The following PLCB4 variants were observed in gnomAD, a reference collection of about 807,000 sequenced individuals.
PLCB4 encodes the protein phospholipase C beta 4, also known as 1-phosphatidylinositol 4,5-bisphosphate phosphodiesterase beta-4.
PLCB4 carries 77 observed loss-of-function variants against 178.8 expected under a neutral mutation model. That is an observed-to-expected ratio of 0.43 (90% confidence interval 0.36 to 0.52). The LOEUF is 0.52. Among genes scored for constraint, PLCB4 ranks in the 20% least tolerant of loss-of-function variants. The pLI is 0.00. For missense variants in PLCB4, 1,024 were observed against 1,453.4 expected (o/e 0.70, Z 4.80); for synonymous variants, 496 against 490.8 (o/e 1.01, Z -0.14).
intron 3 of PLCB4, among the ~76,000 whole-genome samples, chr20:9,277,377 A>G (rs2094459209): frequency 6.6e-6 from 1 of 152,094 alleles, no homozygotes; most frequent in Non-Finnish European, 1.5e-5. Flanking sequence ...TGATTTTCTA[A>G]AAAGAACAGC....
chr20:9,320,337 A>G (rs1007461476), intron 4 of PLCB4, among the ~76,000 whole-genome samples: 1 of 152,214 alleles, frequency 6.6e-6, no homozygotes, highest in African/African-American at 2.4e-5. Flanking sequence ...TTAGCATGCT[A>G]ATGCATTCAT....
chr20:9,232,286 G>C (rs1384481382), intron 3 of PLCB4, among the ~76,000 whole-genome samples: 11 of 152,084 alleles, frequency 7.2e-5, no homozygotes, highest in Non-Finnish European at 1.5e-4. Flanking sequence ...ACCTTAATAA[G>C]TTTGGCAATT....
intron 2 of PLCB4, among the ~76,000 whole-genome samples, chr20:9,164,751 A>G (rs2092942499): frequency 6.6e-6 from 1 of 152,126 alleles, no homozygotes; most frequent in Admixed American, 6.6e-5. Context: ...CCACCAGTCT[A>G]TTCTGTGGTT....
chr20:9,474,073 CG>C (rs1486178700), intron 38 of PLCB4, among the ~76,000 whole-genome samples: 1 of 152,012 alleles, frequency 6.6e-6, no homozygotes, highest in Non-Finnish European at 1.5e-5. Context: ...AAAAATTAGC[CG>C]GGCCTGGTGG....
rs1033118162 is a variant in PLCB4, at chr20:9,221,436, G to A, written c.-16+3984G>A. Among the ~76,000 whole-genome samples the A allele has an allele frequency of 7.9e-5, 12 of 152,284 alleles. No homozygotes were observed. In the South Asian group the frequency reaches 1.7e-3, roughly 21 times the overall value. On this transcript the variant is annotated intron_variant, in intron 3 of 39. Coordinates refer to ENST00000378473, the MANE Select transcript of PLCB4 (RefSeq NM_001377142.1). Reference sequence around the variant, plus strand: ...CTTAGCAGCAAAGCACACAAAAGCCGGGAAAGGGCACACAAGACGATTAAA... The same window carrying A: ...CTTAGCAGCAAAGCACACAAAAGCCAGGAAAGGGCACACAAGACGATTAAA...
At chr20:9,422,164 T>C (rs1401733260) in intron 27 of PLCB4, among the ~76,000 whole-genome samples, 2 of 152,246 alleles carry the variant, frequency 1.3e-5, no homozygotes, top group African/African-American at 4.8e-5. Context: ...CCACAATGAT[T>C]TCTTGCTGCT....
chr20:9,327,820 T>A (rs2030952454), intron 4 of PLCB4, among the ~76,000 whole-genome samples: 1 of 152,080 alleles, frequency 6.6e-6, no homozygotes, highest in African/African-American at 2.4e-5. Flanking sequence ...TCAATACTAA[T>A]TTACTTAGTT....
At chr20:9,316,437 C>T (rs1299900846) in intron 4 of PLCB4, among the ~76,000 whole-genome samples, 1 of 152,180 alleles carries the variant, frequency 6.6e-6, no homozygotes. Context: ...GAGACAGTTA[C>T]TCTGGAGGCC....
chr20:9,128,077 G>A lies in PLCB4; in HGVS notation c.-79+31735G>A, dbSNP rs548333377. ...CCATTGTTGGAGGTGGGGCCTGGTG[G>A]GAGATGTTTGGATCATGGGCACGGA... On this transcript the variant is annotated intron_variant, in intron 2 of 39. Coordinates refer to ENST00000378473, the MANE Select transcript of PLCB4 (RefSeq NM_001377142.1). Among the ~76,000 whole-genome samples, 4 of 152,234 alleles carry A rather than the reference G, an allele frequency of 2.6e-5. No individual in the cohort carries two copies. In the South Asian group the frequency reaches 6.2e-4, roughly 24 times the overall value.
At chr20:9,276,745 G>C (rs2094453801) in intron 3 of PLCB4, among the ~76,000 whole-genome samples, 1 of 151,870 alleles carries the variant, frequency 6.6e-6, no homozygotes, top group South Asian at 2.1e-4. Flanking sequence ...TCAAATCCCA[G>C]CTATTCTGTT....
At chr20:9,408,766 G>T (rs759682680) in intron 23 of PLCB4, 49 bp downstream of exon 23, 6 of 966,070 alleles carry the variant, frequency 6.2e-6, no homozygotes, top group Non-Finnish European at 8.4e-6. Context: ...CGTTGGTTTG[G>T]CAAGAGCCTC....
Position 9,190,472 on chromosome 20 carries a change from A to G in PLCB4, c.-78-26918A>G, listed in dbSNP as rs182189831. Among the ~76,000 whole-genome samples the G allele has an allele frequency of 2.2e-3, 332 of 152,212 alleles. 2 individuals are homozygous for G. Among genetic ancestry groups the G allele is most frequent in the Non-Finnish European group, 4.0e-3 (272 of 68,014 alleles). On this transcript the variant is annotated intron_variant, in intron 2 of 39. Coordinates refer to ENST00000378473, the MANE Select transcript of PLCB4 (RefSeq NM_001377142.1). ...TTGTAAATTTCCTGAGGCCTCCCCA[A>G]TCATATGGACCTGTAAGTCAATTTG... is the stretch of plus-strand genomic sequence containing the variant.
At chr20:9,384,091 T>C in intron 13 of PLCB4, 110 bp from the exon 14 acceptor site, 1 of 770,406 alleles carries the variant, frequency 1.3e-6, no homozygotes, top group Non-Finnish European at 2.2e-6. Flanking sequence ...AAAGAGACTG[T>C]GAAGACGTTT....
Position 9,375,831 on chromosome 20 carries a change from G to A in PLCB4, c.744+2727G>A, listed in dbSNP as rs77690207. 9.4e-3 allele frequency among the ~76,000 whole-genome samples: 1,427 copies of A among 152,182 alleles called. 18 individuals carry two copies. Among genetic ancestry groups the A allele is most frequent in the African/African-American group, 0.032 (1,342 of 41,506 alleles). On this transcript the variant is annotated intron_variant, in intron 12 of 39. Transcript: ENST00000378473. Reference sequence around the variant, plus strand: ...GGTAACCAGAGAAACAATGAGCAAAGCAAAAACCTGGAGACACACATACAC... The same window carrying A: ...GGTAACCAGAGAAACAATGAGCAAAACAAAAACCTGGAGACACACATACAC...
intron 30 of PLCB4, among the ~76,000 whole-genome samples, chr20:9,442,220 AT>A (rs2042149999): frequency 1.3e-5 from 2 of 152,332 alleles, no homozygotes; most frequent in South Asian, 4.1e-4. Flanking sequence ...TGAGTTCCTC[AT>A]TCACACTAGC....
At chr20:9,346,877 G>T (rs1601996871) in intron 7 of PLCB4, among the ~76,000 whole-genome samples, 1 of 152,192 alleles carries the variant, frequency 6.6e-6, no homozygotes, top group Non-Finnish European at 1.5e-5. Flanking sequence ...GGTCATCAGA[G>T]AATCTGTGGA....
At chr20:9,475,433 T>C (rs1328406459) in intron 38 of PLCB4, among the ~76,000 whole-genome samples, 2 of 152,158 alleles carry the variant, frequency 1.3e-5, no homozygotes, top group South Asian at 2.1e-4. Flanking sequence ...ATTGATTAGA[T>C]TGTATTGGGA....
In PLCB4 at chr20:9,280,425, C is replaced by G. The variant is rs374317555; in HGVS notation, c.-15-27375C>G. On this transcript the variant is annotated intron_variant, in intron 3 of 39. Coordinates refer to ENST00000378473, the MANE Select transcript of PLCB4 (RefSeq NM_001377142.1). ...AAGGACAAAGATATTGTGTTCTCCACTTCGATCTGAAAGATGGAATGGCAG... is the reference window on the plus strand; with the variant it reads ...AAGGACAAAGATATTGTGTTCTCCAGTTCGATCTGAAAGATGGAATGGCAG... The G allele has an allele frequency of 3.2e-4, 315 of 982,620 alleles. 2 individuals carry two copies. In the African/African-American group the frequency reaches 5.2e-3, roughly 16 times the overall value. 60.9% of individuals were successfully genotyped at this position (982,620 alleles called of 1,614,324 possible). A position where few individuals can be genotyped will look rare whatever the true frequency, so the allele number is the denominator to read the frequency against.
At position 9,308,067 on chromosome 20, in the gene PLCB4, T is replaced by C. The variant is rs2094791285; in HGVS notation, c.84+169T>C. Reference sequence around the variant, plus strand: ...TGAGCTAGAGTAATAATGATAATGATACTATAAATTTTTGAGCGCTCACTA... The same window carrying C: ...TGAGCTAGAGTAATAATGATAATGACACTATAAATTTTTGAGCGCTCACTA... On this transcript the variant is annotated intron_variant, in intron 4 of 39. Coordinates refer to ENST00000378473, the MANE Select transcript of PLCB4 (RefSeq NM_001377142.1). Among the ~76,000 whole-genome samples, 5 of 152,176 alleles carry C rather than the reference T, an allele frequency of 3.3e-5. No homozygotes were observed. The South Asian group carries it at 1.0e-3, about 32-fold the overall frequency.
Sources: allele counts gnomAD v4.1 joint callset (sites outside exome capture counted in the v4.1 genomes callset), GRCh38; gene constraint gnomAD v4.1.1; transcripts MANE v1.5; gene names NCBI Gene and HGNC (gene_info 2026-07-23, HGNC 2026-07-21).